PTBP2: variants seen among roughly 807,000 people sequenced by gnomAD.
The protein encoded by PTBP2 is polypyrimidine tract-binding protein 2.
Under a neutral mutation model 61.4 loss-of-function variants are expected in PTBP2, and 13 were observed. That is an observed-to-expected ratio of 0.21 (90% CI 0.14 to 0.34). PTBP2 has a LOEUF of 0.34. Among genes scored for constraint, PTBP2 ranks in the 10% least tolerant of loss-of-function variants. The pLI is 1.00. For missense variants in PTBP2, 405 were observed against 642.6 expected, an observed-to-expected ratio of 0.63 and a Z score of 4.00; for synonymous variants, 215 against 218.5, an observed-to-expected ratio of 0.98 and a Z score of 0.14.
chr1:96,781,883 C>T lies in PTBP2; in HGVS notation c.709-3176C>T, dbSNP rs1658712130. On this transcript the variant is annotated intron_variant, in intron 7 of 13. Coordinates refer to ENST00000674951, the MANE Select transcript of PTBP2 (RefSeq NM_021190.4). ...TTTATTAAAGAAAACACCTTAATACCTTTCAGAAAATCTTGTTTATTTATT... is the reference window on the plus strand; with the variant it reads ...TTTATTAAAGAAAACACCTTAATACTTTTCAGAAAATCTTGTTTATTTATT... 2.6e-5 allele frequency among the ~76,000 whole-genome samples: 4 copies of T among 151,972 alleles called. No homozygotes were observed. The South Asian group carries it at 8.3e-4, about 32-fold the overall frequency.
intron 3 of PTBP2, among the ~76,000 whole-genome samples, chr1:96,754,905 GA>G (rs1246645275): frequency 6.6e-6 from 1 of 151,840 alleles, no homozygotes; most frequent in African/African-American, 2.4e-5. Context: ...AAAATCTCTA[GA>G]AAAAAATACA....
At chr1:96,734,620 T>C (rs1198256089) in intron 2 of PTBP2, among the ~76,000 whole-genome samples, 2 of 152,050 alleles carry the variant, frequency 1.3e-5, no homozygotes, top group African/African-American at 4.8e-5. Context: ...AGAAAACTGG[T>C]TATTGGTCTT....
intron 8 of PTBP2, among the ~76,000 whole-genome samples, chr1:96,791,340 G>A (rs975656083): frequency 6.6e-6 from 1 of 152,140 alleles, no homozygotes; most frequent in Non-Finnish European, 1.5e-5. Context: ...ACTTTTGTGT[G>A]TGTGTATGTG....
chr1:96,770,792 C>T lies in PTBP2; in HGVS notation c.373C>T (p.Pro125Ser), dbSNP rs147039115. 3.1e-6 allele frequency: 5 copies of T among 1,591,246 alleles called. No homozygotes were observed. In the African/African-American group the frequency reaches 6.7e-5, roughly 21 times the overall value. ...SAVTPHLRNQPIYIQYSNHKE... is the reference protein window; with the variant it reads ...SAVTPHLRNQSIYIQYSNHKE... ...TGTGACACCTCATCTTCGTAACCAACCAATATATATCCAGTACTCGAATCA... is the reference window on the plus strand; with the variant it reads ...TGTGACACCTCATCTTCGTAACCAATCAATATATATCCAGTACTCGAATCA... The change falls in exon 5 of 14, where the codon CCA (proline) becomes TCA (serine). Residue 125 changes from proline (P) to serine (S), a missense_variant. This residue lies in a region of PTBP2 where 342 missense variants were observed against 491.2 expected (regional missense o/e 0.70). Coordinates refer to ENST00000674951, the MANE Select transcript of PTBP2 (RefSeq NM_021190.4).
chr1:96,769,731 A>G lies in PTBP2; in HGVS notation c.144A>G (p.Lys48=). 1 of 1,601,834 alleles carries G rather than the reference A, an allele frequency of 6.2e-7. No homozygotes were observed. Among genetic ancestry groups the G allele is most frequent in the South Asian group, 1.1e-5 (1 of 88,624 alleles). Residue 48 remains lysine, a synonymous_variant, in exon 4 of 14, where the codon AAA becomes AAG. Coordinates refer to ENST00000674951, the MANE Select transcript of PTBP2 (RefSeq NM_021190.4). ...ATGGTAATGATAGTAAAAAATTTAA[A>G]GGAGAAGATAAAATGGATGGTGCTC... ...TANGNDSKKF[K]GEDKMDGAPS... is the part of the protein sequence containing the mutation.
At chr1:96,723,949 C>T (rs1156886175) in intron 2 of PTBP2, among the ~76,000 whole-genome samples, 1 of 152,050 alleles carries the variant, frequency 6.6e-6, no homozygotes, top group Non-Finnish European at 1.5e-5. Context: ...TTTTGTTAAT[C>T]TAAGTTTTTT....
intron 3 of PTBP2, among the ~76,000 whole-genome samples, chr1:96,755,860 ACAGGAAAACT>A (rs1299228520): frequency 1.3e-5 from 2 of 152,344 alleles, no homozygotes; most frequent in East Asian, 3.9e-4. Context: ...GCAAAGGGAC[ACAGGAAAACT>A]CGGGAGTGAT....
rs895715922 is a variant in PTBP2, at chr1:96,807,139, A to G, written c.1171+181A>G. 2.6e-5 allele frequency among the ~76,000 whole-genome samples: 4 copies of G among 152,188 alleles called. No individual in the cohort carries two copies. In the East Asian group the frequency reaches 5.8e-4, roughly 22 times the overall value. The stretch of plus-strand genomic sequence containing the variant: ...ACGAACATATTTGTATTTTTCTGCT[A>G]TCCTCCTACTGTTTTTCAAATGCAC... On this transcript the variant is annotated intron_variant, in intron 11 of 13. Transcript: ENST00000674951.
At chr1:96,742,388 A>G (rs1478046277) in intron 2 of PTBP2, among the ~76,000 whole-genome samples, 2 of 152,162 alleles carry the variant, frequency 1.3e-5, no homozygotes, top group Non-Finnish European at 2.9e-5. Context: ...GTTCCTAGAA[A>G]ACTGTTTTAT....
chr1:96,771,013 T>C (rs1275648942), intron 5 of PTBP2, 162 bp downstream of exon 5: 1 of 555,612 alleles, frequency 1.8e-6, no homozygotes, highest in Admixed American at 3.7e-5. Flanking sequence ...TATTAAATAC[T>C]ATGTCATTTT....
Position 96,769,753 on chromosome 1 carries a change from G to A in PTBP2, c.166G>A (p.Ala56Thr). ...KFKGEDKMDG[A>T]PSRVLHIRKL... Reference sequence around the variant, plus strand: ...TAAAGGAGAAGATAAAATGGATGGTGCTCCTTCTCGTGTACTTCATATTCG... The same window carrying A: ...TAAAGGAGAAGATAAAATGGATGGTACTCCTTCTCGTGTACTTCATATTCG... The change falls in exon 4 of 14, where the codon GCT (alanine) becomes ACT (threonine). Residue 56 changes from alanine to threonine, a missense_variant. Around this residue, in one of 4 missense-constraint regions of PTBP2, gnomAD observed 342 missense variants for 491.2 expected, o/e 0.70. Coordinates refer to ENST00000674951, the MANE Select transcript of PTBP2 (RefSeq NM_021190.4). 1 of 1,608,554 alleles carries A rather than the reference G, an allele frequency of 6.2e-7. No homozygotes were observed. Among genetic ancestry groups the A allele is most frequent in the Non-Finnish European group, 8.5e-7 (1 of 1,177,284 alleles).
At chr1:96,805,755 A>G (rs772897179) in intron 9 of PTBP2, among the ~76,000 whole-genome samples, 14 of 152,218 alleles carry the variant, frequency 9.2e-5, no homozygotes, top group Non-Finnish European at 1.8e-4. Flanking sequence ...ACAGTTCTGC[A>G]TGCTAAAATG....
rs189052744 is a variant in PTBP2 at position 96,806,808 on chromosome 1, T to C, written c.1079-58T>C. On this transcript the variant is annotated intron_variant, in intron 10 of 13. Transcript: ENST00000674951. ...ATATGTCAGAAAGATAATCTTTAGGTGACTTCCACATAAAATTAATTCCAT... is the reference window on the plus strand; with the variant it reads ...ATATGTCAGAAAGATAATCTTTAGGCGACTTCCACATAAAATTAATTCCAT... 2.4e-6 allele frequency: 3 copies of C among 1,260,642 alleles called. No homozygotes were observed. In the Admixed American group the frequency reaches 5.7e-5, roughly 24 times the overall value. The allele number at this position is 1,260,642 out of a possible 1,614,324, so 78.1% of individuals were successfully genotyped here. A position where few individuals can be genotyped will look rare whatever the true frequency, so the allele number is the denominator to read the frequency against.
chr1:96,762,215 A>G (rs1281122542), intron 3 of PTBP2, among the ~76,000 whole-genome samples: 5 of 149,992 alleles, frequency 3.3e-5, no homozygotes, highest in Non-Finnish European at 5.9e-5. Flanking sequence ...CGCCATTGTC[A>G]TCATGGCCCG....
intron 8 of PTBP2, among the ~76,000 whole-genome samples, chr1:96,798,726 TTGA>T (rs1454982130): frequency 6.6e-6 from 1 of 152,222 alleles, no homozygotes; most frequent in Non-Finnish European, 1.5e-5. Flanking sequence ...TGGACTTTTG[TTGA>T]TTTATCGATA....
At chr1:96,773,962 C>CA (rs11449316) in intron 5 of PTBP2, among the ~76,000 whole-genome samples, 28,134 of 84,742 alleles carry the variant, frequency 0.33, 3,864 homozygotes, top group East Asian at 0.55. Context: ...GACTCTGTCT[C>CA]AAAAAAAAAA....
intron 2 of PTBP2, among the ~76,000 whole-genome samples, chr1:96,742,456 T>C (rs1293795424): frequency 6.6e-6 from 1 of 152,180 alleles, no homozygotes; most frequent in East Asian, 1.9e-4. Context: ...CTTTTATTAC[T>C]AATATCAAGC....
intron 2 of PTBP2, among the ~76,000 whole-genome samples, chr1:96,742,886 C>T (rs920822307): frequency 1.9e-4 from 29 of 152,230 alleles, no homozygotes; most frequent in African/African-American, 6.3e-4. Flanking sequence ...AAAATAATTT[C>T]TTAATGTCGT....
intron 8 of PTBP2, among the ~76,000 whole-genome samples, chr1:96,792,543 A>T (rs905501385): frequency 1.3e-5 from 2 of 152,210 alleles, no homozygotes; most frequent in Admixed American, 1.3e-4. Context: ...ATAGTTATCA[A>T]GAATAGTAAT....
Sources: gnomAD v4.1 joint callset for allele counts (sites outside exome capture counted in the v4.1 genomes callset) on GRCh38, gnomAD v4.1.1 for gene constraint, gnomAD v4.1.1 regional missense constraint, MANE v1.5 for transcripts, NCBI Gene and HGNC (gene_info 2026-07-23, HGNC 2026-07-21) for gene names.